RNF187: variants seen among roughly 807,000 people sequenced by gnomAD.
The protein encoded by RNF187 is ring finger protein 187.
RNF187 carries 18 observed loss-of-function variants against 22.2 expected under a neutral mutation model. The ratio of observed to expected loss-of-function variants is 0.81; its 90% CI spans 0.56 to 1.20. RNF187 has a LOEUF of 1.20. Among genes scored for constraint, RNF187 ranks in the 50% most tolerant of loss-of-function variants. RNF187 has a pLI of 0.00. For missense variants in RNF187, 329 were observed against 317.6 expected (o/e 1.04, Z -0.27); for synonymous variants, 164 against 140.9 (o/e 1.16, Z -1.16).
In RNF187 at chr1:228,494,182, C is replaced by T; in HGVS notation, c.*297C>T. On this transcript the variant is annotated 3_prime_UTR_variant, in exon 4 of 4. Coordinates refer to ENST00000305943, the MANE Select transcript of RNF187 (RefSeq NM_001010858.3). ...TGAGTCCCGGCAGCTCTGGGTCATG[C>T]CCTTCCCTGGTCACCCATCTGCCCC... 2 of 1,373,438 alleles carry T rather than the reference C, an allele frequency of 1.5e-6. No homozygotes were observed. The highest frequency in any genetic ancestry group is 1.9e-6 in the Non-Finnish European group (2 of 1,061,574). The allele number at this position is 1,373,438 out of a possible 1,614,324, so 85.1% of individuals were successfully genotyped here. A position where few individuals can be genotyped will look rare whatever the true frequency, so the allele number is the denominator to read the frequency against.
intron 1 of RNF187, chr1:228,488,114 G>A: frequency 5.5e-6 from 1 of 181,188 alleles, no homozygotes; most frequent in Non-Finnish European, 1.1e-5. Context: ...TTCGGAGTCT[G>A]GTCCCCTTCC....
chr1:228,491,955 G>A lies in RNF187; in HGVS notation c.484-1098G>A. Among the ~76,000 whole-genome samples the A allele has an allele frequency of 2.0e-4, 31 of 152,300 alleles. 1 individual carries two copies. The highest frequency in any genetic ancestry group is 7.5e-4 in the African/African-American group (31 of 41,556). ...GCCTTGACTTCCTGTCGTCCTTGAT[G>A]ATAAAATCATTTTATTTGATATGGG... On this transcript the variant is annotated intron_variant, in intron 2 of 3. Transcript: ENST00000305943.
rs569625314 is a variant in RNF187 at position 228,493,198 on chromosome 1, G to A, written c.629G>A (p.Arg210Gln). ...GACGAGCTGGCTGACCCCACTGAGC[G>A]GTTCAGGTCACTGCTGCAGGCGGTC... is the stretch of plus-strand genomic sequence containing the variant. The change falls in exon 3 of 4, where the codon CGG (arginine) becomes CAG (glutamine). Residue 210 changes from arginine (R) to glutamine (Q), a missense_variant. Transcript: ENST00000305943. This position sits in a 1 kb window ranked among gnomAD's most constrained non-coding sequence, Gnocchi z 4.7. 15 of 1,551,692 alleles carry A rather than the reference G, an allele frequency of 9.7e-6. No homozygotes were observed. Among genetic ancestry groups the A allele is most frequent in the South Asian group, 4.8e-5 (4 of 84,052 alleles).
rs1032180601 is a variant in RNF187, at chr1:228,487,576, C to T, written c.88C>T (p.Arg30Cys). Reference sequence around the variant, plus strand: ...ACCGGTGCGCGCCGACTGCGGCCACCGCTTCTGTCGGGCGTGCGTGGTGCG... The same window carrying T: ...ACCGGTGCGCGCCGACTGCGGCCACTGCTTCTGTCGGGCGTGCGTGGTGCG... Residue 30 changes from arginine (R) to cysteine (C), a missense_variant, in exon 1 of 4, where the codon CGC becomes TGC. Coordinates refer to ENST00000305943, the MANE Select transcript of RNF187 (RefSeq NM_001010858.3). 19 of 1,260,018 alleles carry T rather than the reference C, an allele frequency of 1.5e-5. No individual in the cohort carries two copies. Among genetic ancestry groups the T allele is most frequent in the Non-Finnish European group, 1.8e-5 (18 of 989,504 alleles). The allele number at this position is 1,260,018 out of a possible 1,614,324, so 78.1% of individuals were successfully genotyped here.
chr1:228,491,188 G>A, intron 2 of RNF187, among the ~76,000 whole-genome samples: 2 of 151,934 alleles, frequency 1.3e-5, no homozygotes, highest in African/African-American at 2.4e-5. Context: ...CTAGGAGTTC[G>A]AGACCAGCCT....
Position 228,488,973 on chromosome 1 carries a change from C to G in RNF187, c.404C>G (p.Ser135Cys). 2 of 1,551,180 alleles carry G rather than the reference C, an allele frequency of 1.3e-6. No homozygotes were observed. The highest frequency in any genetic ancestry group is 8.7e-7 in the Non-Finnish European group (1 of 1,146,906). The change falls in exon 2 of 4, where the codon TCT (serine) becomes TGT (cysteine). Residue 135 changes from serine to cysteine, a missense_variant. Transcript: ENST00000305943. ...TTTTCTTTACAGGAGAACAAGGGGT[C>G]TGTGGAAATCATGAGAAAGGACTTG...
At position 228,494,645 on chromosome 1, in the gene RNF187, G is replaced by GT; in HGVS notation, c.*762dup. 69 of 985,436 alleles carry GT rather than the reference G, an allele frequency of 7.0e-5. 1 individual carries two copies. The African/African-American group carries it at 1.2e-3, about 16-fold the overall frequency. The allele number at this position is 985,436 out of a possible 1,614,324, so 61.0% of individuals were successfully genotyped here. A position where few individuals can be genotyped will look rare whatever the true frequency, so the allele number is the denominator to read the frequency against. ...CCCTGCCATCGTGTCTCATCTTGCT[G>GT]TTATCTCTAGCTCTTTCCCTCCTCC... On this transcript the variant is annotated 3_prime_UTR_variant, in exon 4 of 4. Coordinates refer to ENST00000305943, the MANE Select transcript of RNF187 (RefSeq NM_001010858.3).
intron 2 of RNF187, among the ~76,000 whole-genome samples, chr1:228,491,421 G>GT: frequency 1.9e-4 from 28 of 149,944 alleles, no homozygotes; most frequent in Admixed American, 3.3e-4. Context: ...AAAGGGAGAT[G>GT]GGTTAATGGG....
chr1:228,495,246 T>C lies in RNF187; in HGVS notation c.*1361T>C. On this transcript the variant is annotated 3_prime_UTR_variant, in exon 4 of 4. Coordinates refer to ENST00000305943, the MANE Select transcript of RNF187 (RefSeq NM_001010858.3). ...GGAGACATCAGGGCTGAGGGGGCTCTGGCTAAACCCACCTCACAGAGTCCT... is the reference window on the plus strand; with the variant it reads ...GGAGACATCAGGGCTGAGGGGGCTCCGGCTAAACCCACCTCACAGAGTCCT... 1 of 226,502 alleles carries C rather than the reference T, an allele frequency of 4.4e-6. No homozygotes were observed. The allele number at this position is 226,502 out of a possible 1,614,324, so 14.0% of individuals were successfully genotyped here.
In RNF187 at chr1:228,493,059, G is replaced by A. The variant is rs2149150011; in HGVS notation, c.490G>A (p.Val164Met). 2 of 1,547,218 alleles carry A rather than the reference G, an allele frequency of 1.3e-6. No individual in the cohort carries two copies. Among genetic ancestry groups the A allele is most frequent in the South Asian group, 1.2e-5 (1 of 83,676 alleles). Reference sequence around the variant, plus strand: ...TCCTGCCACCCGTTTGCAGGGACACGTGATGGACCGTAGGAAGAAGGCACT... The same window carrying A: ...TCCTGCCACCCGTTTGCAGGGACACATGATGGACCGTAGGAAGAAGGCACT... Residue 164 changes from valine (V) to methionine (M), a missense_variant, in exon 3 of 4, where the codon GTG becomes ATG. Physicochemically the swap from Val to Met is conservative, Grantham distance 21 (BLOSUM62 1). Transcript: ENST00000305943. This position sits in a 1 kb window ranked among gnomAD's most constrained non-coding sequence, Gnocchi z 4.7.
intron 2 of RNF187, among the ~76,000 whole-genome samples, chr1:228,491,528 C>T: frequency 1.3e-5 from 2 of 151,602 alleles, no homozygotes; most frequent in South Asian, 4.2e-4. Flanking sequence ...GCATCCTCCA[C>T]CTCCTTGGTT....
At position 228,493,130 on chromosome 1, in the gene RNF187, G is replaced by A; in HGVS notation, c.561G>A (p.Glu187=). ...GGGCCTTCTTTGTGGAGGAGGAGGA[G>A]CATTTCCTGCAGGAGGCTGAGAAGG... Residue 187 remains glutamate (E), a synonymous_variant, in exon 3 of 4, where the codon GAG becomes GAA. Coordinates refer to ENST00000305943, the MANE Select transcript of RNF187 (RefSeq NM_001010858.3). This position sits in a 1 kb window ranked among gnomAD's most constrained non-coding sequence, Gnocchi z 4.7. 1 of 1,551,730 alleles carries A rather than the reference G, an allele frequency of 6.4e-7. No homozygotes were observed. The highest frequency in any genetic ancestry group is 8.7e-7 in the Non-Finnish European group (1 of 1,146,986).
chr1:228,495,569 G>GA lies in RNF187; in HGVS notation c.*1684_*1685insA. 3.0e-6 allele frequency: 3 copies of GA among 985,176 alleles called. No individual in the cohort carries two copies. The highest frequency in any genetic ancestry group is 3.6e-6 in the Non-Finnish European group (3 of 829,868). The allele number at this position is 985,176 out of a possible 1,614,324, so 61.0% of individuals were successfully genotyped here. A position where few individuals can be genotyped will look rare whatever the true frequency, so the allele number is the denominator to read the frequency against. ...TCTGCTGTCATCCCTGAGCATCCCT[G>GA]CCCCTGCCCTGCACACCTGTGATGC... On this transcript the variant is annotated 3_prime_UTR_variant, in exon 4 of 4. Coordinates refer to ENST00000305943, the MANE Select transcript of RNF187 (RefSeq NM_001010858.3).
Position 228,493,747 on chromosome 1 carries a change from T to C in RNF187, c.706-136T>C. On this transcript the variant is annotated intron_variant, in intron 3 of 3. Transcript: ENST00000305943. This position sits in a 1 kb window ranked among gnomAD's most constrained non-coding sequence, Gnocchi z 4.7. ...AAGTCTGGGCCAGGCCCTGGGTTTG[T>C]TGTGCTCAGGACAGTACCTCATGCG... The C allele has an allele frequency of 1.0e-6, 1 of 989,372 alleles. No individual in the cohort carries two copies. Among genetic ancestry groups the C allele is most frequent in the South Asian group, 1.4e-5 (1 of 72,326 alleles). The allele number at this position is 989,372 out of a possible 1,614,324, so 61.3% of individuals were successfully genotyped here. A position where few individuals can be genotyped will look rare whatever the true frequency, so the allele number is the denominator to read the frequency against.
Position 228,495,825 on chromosome 1 carries a change from T to A in RNF187, c.*1940T>A. 1.2e-6 allele frequency: 1 copy of A among 869,238 alleles called. No individual in the cohort carries two copies. The highest frequency in any genetic ancestry group is 1.4e-6 in the Non-Finnish European group (1 of 724,110). 53.8% of individuals were successfully genotyped at this position (869,238 alleles called of 1,614,324 possible). On this transcript the variant is annotated 3_prime_UTR_variant, in exon 4 of 4. Coordinates refer to ENST00000305943, the MANE Select transcript of RNF187 (RefSeq NM_001010858.3). ...ACAGATTAATGTATCCATCTCATGTTTTTTTTGGTGGTGAGAATATTTGAA... is the reference window on the plus strand; with the variant it reads ...ACAGATTAATGTATCCATCTCATGTATTTTTTGGTGGTGAGAATATTTGAA...
rs749623535 is a variant in RNF187 at position 228,493,058 on chromosome 1, C to T, written c.489C>T (p.His163=). ...TTCCTGCCACCCGTTTGCAGGGACA[C>T]GTGATGGACCGTAGGAAGAAGGCAC... is the stretch of plus-strand genomic sequence containing the variant. Residue 163 remains histidine (H), a synonymous_variant, in exon 3 of 4, where the codon CAC becomes CAT. Transcript: ENST00000305943. The surrounding 1 kb of genome is among the most constrained non-coding windows in gnomAD (Gnocchi z 4.7). 28 of 1,545,734 alleles carry T rather than the reference C, an allele frequency of 1.8e-5. No homozygotes were observed. The highest frequency in any genetic ancestry group is 5.9e-5 in the Admixed American group (3 of 50,792).
In RNF187 at chr1:228,493,255, G is replaced by T; in HGVS notation, c.686G>T (p.Gly229Val). Residue 229 changes from glycine (G) to valine (V), a missense_variant, in exon 3 of 4, where the codon GGC (glycine) becomes GTC (valine). By Grantham distance (109) the Gly-to-Val change is moderately radical (BLOSUM62 -3). Coordinates refer to ENST00000305943, the MANE Select transcript of RNF187 (RefSeq NM_001010858.3). This position sits in a 1 kb window ranked among gnomAD's most constrained non-coding sequence, Gnocchi z 4.7. ...CTGGAGAAGAAGCATCGCAACCTGG[G>T]CCTCAGCATGCTGCTGCAGGTGCGG... The T allele has an allele frequency of 6.4e-7, 1 of 1,550,508 alleles. No individual in the cohort carries two copies. Among genetic ancestry groups the T allele is most frequent in the Non-Finnish European group, 8.7e-7 (1 of 1,146,814 alleles).
chr1:228,492,142 C>T, intron 2 of RNF187, among the ~76,000 whole-genome samples: 3 of 152,068 alleles, frequency 2.0e-5, no homozygotes, highest in African/African-American at 4.8e-5. Context: ...CCTCAAACTC[C>T]TGGGCTCAAG....
chr1:228,489,791 C>CT, intron 2 of RNF187, among the ~76,000 whole-genome samples: 5 of 152,104 alleles, frequency 3.3e-5, no homozygotes, highest in African/African-American at 9.7e-5. Flanking sequence ...TGTAAGGACA[C>CT]TGATTCCGTT....
Sources: gnomAD v4.1 joint callset for allele counts (sites outside exome capture counted in the v4.1 genomes callset) on GRCh38, gnomAD v4.1.1 for gene constraint, Gnocchi (gnomAD v3.1) non-coding constraint, MANE v1.5 for transcripts, NCBI Gene and HGNC (gene_info 2026-07-23, HGNC 2026-07-21) for gene names.